CAMK1D: variants seen among roughly 807,000 people sequenced by gnomAD.
CAMK1D encodes calcium/calmodulin dependent protein kinase ID, also known as calcium/calmodulin-dependent protein kinase type 1D.
In CAMK1D, 9 loss-of-function variants were observed where a neutral mutation model predicts 47.7. That is an observed-to-expected ratio of 0.19 (90% CI 0.11 to 0.33). CAMK1D has a LOEUF of 0.33. Among genes scored for constraint, CAMK1D ranks in the 10% least tolerant of loss-of-function variants. The pLI, the probability that CAMK1D is intolerant of heterozygous loss-of-function variation, is 1.00. For synonymous variants in CAMK1D, 184 were observed against 184.9 expected, an observed-to-expected ratio of 0.99 and a Z score of 0.04; for missense variants, 291 against 488.7, an observed-to-expected ratio of 0.60 and a Z score of 3.81.
intron 3 of CAMK1D, among the ~76,000 whole-genome samples, chr10:12,748,105 T>C (rs978275672): frequency 2.0e-5 from 3 of 152,214 alleles, no homozygotes; most frequent in Non-Finnish European, 2.9e-5. Context: ...AAGAAGCCAT[T>C]CCAGAATCTG....
chr10:12,648,482 C>CT (rs945121091), intron 2 of CAMK1D, among the ~76,000 whole-genome samples: 1 of 152,036 alleles, frequency 6.6e-6, no homozygotes, highest in Non-Finnish European at 1.5e-5. Context: ...TACTTACTTA[C>CT]TTTTTTGAGA....
chr10:12,427,698 C>CTTTTTTTTTTTT (rs1588474191), intron 1 of CAMK1D, among the ~76,000 whole-genome samples: 5 of 27,382 alleles, frequency 1.8e-4, no homozygotes, highest in African/African-American at 4.5e-4. Context: ...ACTGAACTTA[C>CTTTTTTTTTTTT]TGTTTTTTTT....
chr10:12,726,562 C>G (rs544402736), intron 3 of CAMK1D, among the ~76,000 whole-genome samples: 1 of 152,312 alleles, frequency 6.6e-6, no homozygotes, highest in African/African-American at 2.4e-5. Context: ...GAAAATAATT[C>G]TACAGAAGCC....
intron 1 of CAMK1D, among the ~76,000 whole-genome samples, chr10:12,544,423 C>T (rs1836293403): frequency 6.6e-6 from 1 of 152,084 alleles, no homozygotes; most frequent in African/African-American, 2.4e-5. Flanking sequence ...CCAAATTTTA[C>T]TTATTCAACA....
chr10:12,526,270 C>T (rs773354662), intron 1 of CAMK1D, among the ~76,000 whole-genome samples: 1 of 152,206 alleles, frequency 6.6e-6, no homozygotes, highest in Non-Finnish European at 1.5e-5. Context: ...TTTGTATCTG[C>T]CCCACATACA....
chr10:12,376,665 G>T (rs1367476369), intron 1 of CAMK1D, among the ~76,000 whole-genome samples: 1 of 152,158 alleles, frequency 6.6e-6, no homozygotes, highest in Non-Finnish European at 1.5e-5. Context: ...AGATGAGAAT[G>T]CAGGGTCTGG....
intron 2 of CAMK1D, among the ~76,000 whole-genome samples, chr10:12,598,801 G>A (rs780335783): frequency 6.6e-5 from 10 of 152,182 alleles, no homozygotes; most frequent in African/African-American, 1.7e-4. Context: ...CTTTTAACGC[G>A]TATCTTGCAA....
At chr10:12,687,420 C>T (rs185906943) in intron 3 of CAMK1D, among the ~76,000 whole-genome samples, 1 of 152,204 alleles carries the variant, frequency 6.6e-6, no homozygotes, top group East Asian at 1.9e-4. Flanking sequence ...TGAAAAGGTG[C>T]AGTTTGATTC....
intron 3 of CAMK1D, among the ~76,000 whole-genome samples, chr10:12,754,376 A>G (rs1421951671): frequency 6.6e-6 from 1 of 152,194 alleles, no homozygotes; most frequent in Non-Finnish European, 1.5e-5. Context: ...TACACACCAG[A>G]TGGAAACAGA....
intron 1 of CAMK1D, among the ~76,000 whole-genome samples, chr10:12,448,057 T>TTGGTCAGGC (rs140641063): frequency 0.31 from 46,997 of 151,830 alleles, 7,774 homozygotes; most frequent in Admixed American, 0.4. Flanking sequence ...TTTCACCATG[T>TTGGTCAGGC]TGGTCAGGCT....
intron 1 of CAMK1D, among the ~76,000 whole-genome samples, chr10:12,520,104 G>T (rs1588583188): frequency 1.2e-5 from 1 of 81,984 alleles, no homozygotes; most frequent in Admixed American, 1.2e-4. Flanking sequence ...CGGGGTGGCT[G>T]CCGGGCGGAG....
At chr10:12,373,303 A>G (rs1838059069) in intron 1 of CAMK1D, among the ~76,000 whole-genome samples, 1 of 141,126 alleles carries the variant, frequency 7.1e-6, no homozygotes, top group African/African-American at 2.7e-5. Context: ...ACAGAGGGAG[A>G]GCCTGTCTCA....
At chr10:12,729,708 T>G in intron 3 of CAMK1D, among the ~76,000 whole-genome samples, 1 of 152,090 alleles carries the variant, frequency 6.6e-6, no homozygotes, top group East Asian at 1.9e-4. Flanking sequence ...CGGTTAAACT[T>G]CAGGGAGCAG....
Position 12,683,228 on chromosome 10 carries a change from AG to A in CAMK1D, c.299+16420del, listed in dbSNP as rs1352310982. ...CAGCCTCCCGAGTAGCTGGGACTAC[AG>A]GTGCGCACCACCACGCCCAGCTGAT... is the stretch of plus-strand genomic sequence containing the variant. On this transcript the variant is annotated intron_variant, in intron 3 of 10. Transcript: ENST00000619168. Among the ~76,000 whole-genome samples, 5 of 151,968 alleles carry A rather than the reference AG, an allele frequency of 3.3e-5. 1 individual carries two copies. Among genetic ancestry groups the A allele is most frequent in the African/African-American group, 1.2e-4 (5 of 41,340 alleles).
chr10:12,764,381 C>CAAA (rs56657709), intron 4 of CAMK1D, among the ~76,000 whole-genome samples: 1 of 77,984 alleles, frequency 1.3e-5, no homozygotes, highest in Admixed American at 1.8e-4. Flanking sequence ...CACTTTGTCT[C>CAAA]AAAAAAAAAA....
intron 4 of CAMK1D, among the ~76,000 whole-genome samples, chr10:12,765,958 CTTT>C (rs147498267): frequency 5.9e-3 from 508 of 86,474 alleles, no homozygotes; most frequent in Non-Finnish European, 8.4e-3. Flanking sequence ...CCATCCTAAT[CTTT>C]TTTTTTTTTT....
intron 2 of CAMK1D, among the ~76,000 whole-genome samples, chr10:12,620,213 AAAAAAT>A (rs1838956300): frequency 7.3e-6 from 1 of 137,080 alleles, no homozygotes; most frequent in African/African-American, 2.5e-5. Context: ...AAAAAAAAAA[AAAAAAT>A]AAAGCTGCTA....
At chr10:12,464,814 TAAA>T (rs11286227) in intron 1 of CAMK1D, among the ~76,000 whole-genome samples, 8 of 142,380 alleles carry the variant, frequency 5.6e-5, no homozygotes, top group Non-Finnish European at 6.1e-5. Context: ...GACTCCATCT[TAAA>T]AAAAAAAAAA....
chr10:12,359,812 T>C (rs4073527), intron 1 of CAMK1D, among the ~76,000 whole-genome samples: 8,348 of 152,292 alleles, frequency 0.055, 526 homozygotes, highest in African/African-American at 0.15. Context: ...ACTGAATTTA[T>C]TTTAATGCTA....
Sources: allele counts gnomAD v4.1 joint callset (sites outside exome capture counted in the v4.1 genomes callset), GRCh38; gene constraint gnomAD v4.1.1; transcripts MANE v1.5; gene names NCBI Gene and HGNC (gene_info 2026-07-23, HGNC 2026-07-21).